Variants in TMEM255B observed in about 807,000 individuals in gnomAD.
TMEM255B encodes the protein transmembrane protein 255B.
Under a neutral mutation model 34.5 loss-of-function variants are expected in TMEM255B, and 35 were observed. The ratio of observed to expected loss-of-function variants is 1.01; its 90% CI spans 0.77 to 1.34. The LOEUF (loss-of-function observed/expected upper bound fraction) is 1.34. Ranked by LOEUF, TMEM255B falls within the 40% of genes most tolerant of loss-of-function variation. The pLI, the probability that TMEM255B is intolerant of heterozygous loss-of-function variation, is 0.00. For synonymous variants in TMEM255B, 206 were observed against 201.2 expected (o/e 1.02, Z -0.20); for missense variants, 432 against 433.2 (o/e 1.00, Z 0.02).
chr13:113,789,542 G>T (rs531338487), intron 3 of TMEM255B, among the ~76,000 whole-genome samples: 81 of 152,360 alleles, frequency 5.3e-4, no homozygotes, highest in African/African-American at 1.8e-3. Context: ...CTCTCGTGAG[G>T]CTGGTTCTGG....
chr13:113,795,910 A>G (rs1317665210), intron 4 of TMEM255B, among the ~76,000 whole-genome samples: 1 of 111,152 alleles, frequency 9.0e-6, no homozygotes, highest in Non-Finnish European at 2.1e-5. Flanking sequence ...CACACACAAC[A>G]CAGCACACAG....
intron 8 of TMEM255B, among the ~76,000 whole-genome samples, chr13:113,810,214 G>A (rs1265407762): frequency 6.6e-6 from 1 of 152,206 alleles, no homozygotes. Flanking sequence ...CCTGCAGGCT[G>A]GGGCAAGAGG....
chr13:113,767,764 C>A (rs528991987), intron 2 of TMEM255B, among the ~76,000 whole-genome samples: 3 of 152,206 alleles, frequency 2.0e-5, no homozygotes, highest in Non-Finnish European at 4.4e-5. Context: ...AGAAGCTGAT[C>A]TCAGAAGAAG....
Position 113,767,966 on chromosome 13 carries a change from C to A in TMEM255B, c.190-1132C>A, listed in dbSNP as rs184525444. ...GCACATGAAGAAATATTCCTGTTAT[C>A]CCTGGAGAATTCTCAAACCGTTGGT... On this transcript the variant is annotated intron_variant, in intron 2 of 8. Transcript: ENST00000375353. 5.3e-5 allele frequency among the ~76,000 whole-genome samples: 8 copies of A among 152,362 alleles called. No homozygotes were observed. The East Asian group carries it at 1.5e-3, about 29-fold the overall frequency.
intron 3 of TMEM255B, among the ~76,000 whole-genome samples, chr13:113,792,534 G>A (rs1282644786): frequency 1.3e-5 from 2 of 152,238 alleles, no homozygotes; most frequent in African/African-American, 2.4e-5. Flanking sequence ...TTCTCAGGGT[G>A]CAATGAGGCC....
intron 5 of TMEM255B, among the ~76,000 whole-genome samples, chr13:113,800,616 C>A (rs1387989714): frequency 6.6e-6 from 1 of 152,150 alleles, no homozygotes; most frequent in African/African-American, 2.4e-5. Flanking sequence ...CCTCTGGGAC[C>A]AGCCTGTGCC....
At chr13:113,772,748 C>T (rs531472846) in intron 3 of TMEM255B, among the ~76,000 whole-genome samples, 2 of 152,330 alleles carry the variant, frequency 1.3e-5, no homozygotes, top group South Asian at 4.1e-4. Context: ...ACTTTTAATT[C>T]TATTCTTTTA....
At chr13:113,805,049 T>TG in intron 8 of TMEM255B, 21 bp downstream of exon 8, 1 of 1,583,400 alleles carries the variant, frequency 6.3e-7, no homozygotes, top group Non-Finnish European at 8.6e-7. Flanking sequence ...CATCACCTGC[T>TG]GGAGTTGGAC....
At chr13:113,773,061 T>C (rs867480112) in intron 3 of TMEM255B, among the ~76,000 whole-genome samples, 25 of 152,384 alleles carry the variant, frequency 1.6e-4, no homozygotes, top group African/African-American at 5.8e-4. Context: ...TTAGACCTTC[T>C]TTAGTTTTTA....
At chr13:113,768,864 C>G (rs764029481) in intron 2 of TMEM255B, 32 of 615,878 alleles carry the variant, frequency 5.2e-5, no homozygotes, top group Non-Finnish European at 9.1e-5. Context: ...CAAACAGATG[C>G]ATCATTAAAA....
chr13:113,810,547 G>T (rs2051279172), intron 8 of TMEM255B, among the ~76,000 whole-genome samples: 2 of 152,160 alleles, frequency 1.3e-5, no homozygotes, highest in Admixed American at 6.5e-5. Context: ...TCAATCCATC[G>T]ATTCTGAATG....
In TMEM255B at chr13:113,805,424, G is replaced by C. The variant is rs113601571; in HGVS notation, c.813+396G>C. On this transcript the variant is annotated intron_variant, in intron 8 of 8. Coordinates refer to ENST00000375353, the MANE Select transcript of TMEM255B (RefSeq NM_182614.4). ...GCCAAAATCCAACCCCATTTTACCC[G>C]CAGACGTGGAGACATCATAGGGTTC... Among the ~76,000 whole-genome samples the C allele has an allele frequency of 4.0e-3, 616 of 152,298 alleles. 4 individuals carry two copies. Among genetic ancestry groups the C allele is most frequent in the African/African-American group, 0.014 (582 of 41,580 alleles).
chr13:113,761,929 A>G (rs1337965219), intron 1 of TMEM255B, among the ~76,000 whole-genome samples: 2 of 152,162 alleles, frequency 1.3e-5, no homozygotes, highest in Non-Finnish European at 2.9e-5. Flanking sequence ...CAGGGAGATT[A>G]AATGGCCGCC....
chr13:113,777,392 T>TCAAG (rs1291069068), intron 3 of TMEM255B, among the ~76,000 whole-genome samples: 2 of 152,162 alleles, frequency 1.3e-5, no homozygotes, highest in African/African-American at 4.8e-5. Flanking sequence ...ACAGTGCCTG[T>TCAAG]CAAGCCTGGT....
intron 3 of TMEM255B, among the ~76,000 whole-genome samples, chr13:113,790,536 G>A (rs879785052): frequency 8.8e-6 from 1 of 113,738 alleles, no homozygotes; most frequent in African/African-American, 3.6e-5. Flanking sequence ...CCGGACACGT[G>A]GACATCCTAG....
Position 113,816,966 on chromosome 13 carries a change from C to A in TMEM255B, c.*5063C>A, listed in dbSNP as rs1411608328. On this transcript the variant is annotated 3_prime_UTR_variant, in exon 9 of 9. Transcript: ENST00000375353. ...CCGGCTGTACATTTGCTTTATGCTT[C>A]CGTTGGCATTTAAAAATCTGATGTT... 2 of 152,200 alleles carry A rather than the reference C, an allele frequency of 1.3e-5. No individual in the cohort carries two copies. The highest frequency in any genetic ancestry group is 2.9e-5 in the Non-Finnish European group (2 of 68,050). 9.4% of individuals were successfully genotyped at this position (152,200 alleles called of 1,614,324 possible).
intron 3 of TMEM255B, among the ~76,000 whole-genome samples, chr13:113,772,409 A>T (rs2050493036): frequency 6.6e-6 from 1 of 152,220 alleles, no homozygotes; most frequent in South Asian, 2.1e-4. Flanking sequence ...AATGTTTTAC[A>T]AATCTAAGGA....
intron 8 of TMEM255B, among the ~76,000 whole-genome samples, chr13:113,811,157 CGTG>C (rs2051290737): frequency 1.0e-5 from 1 of 100,382 alleles, no homozygotes; most frequent in Admixed American, 1.0e-4. Flanking sequence ...GGTGGGGGCC[CGTG>C]AGAGTGGTCC....
At chr13:113,796,982 C>T (rs1019136543) in intron 4 of TMEM255B, among the ~76,000 whole-genome samples, 4 of 152,194 alleles carry the variant, frequency 2.6e-5, no homozygotes, top group African/African-American at 9.7e-5. Context: ...CACGGAGGTG[C>T]GTCATGGGAG....
Sources: gnomAD v4.1 joint callset for allele counts (sites outside exome capture counted in the v4.1 genomes callset) on GRCh38, gnomAD v4.1.1 for gene constraint, MANE v1.5 for transcripts, NCBI Gene and HGNC (gene_info 2026-07-23, HGNC 2026-07-21) for gene names.